The following WIPI1 variants were observed in gnomAD, a reference collection of about 807,000 sequenced individuals.
WIPI1 encodes the protein WD repeat domain phosphoinositide-interacting protein 1.
In WIPI1, 45 loss-of-function variants were observed where a neutral mutation model predicts 55.3. That is an observed-to-expected ratio of 0.81 (90% CI 0.64 to 1.04). The LOEUF (loss-of-function observed/expected upper bound fraction) is 1.04, where lower values mean the gene tolerates loss of function less well. Ranked by LOEUF, WIPI1 falls within the 50% of genes least tolerant of loss-of-function variation. The probability of loss-of-function intolerance (pLI) is 0.00; values close to 1 mark genes in which losing one functional copy is unlikely to be tolerated. For missense variants in WIPI1, 445 were observed against 559.0 expected (o/e 0.80, Z 2.06); for synonymous variants, 195 against 217.6 (o/e 0.90, Z 0.92).
chr17:68,437,949 A>AAAAAAAAAAC (rs2083896205), intron 4 of WIPI1, among the ~76,000 whole-genome samples: 1 of 37,762 alleles, frequency 2.6e-5, no homozygotes, highest in Non-Finnish European at 4.9e-5. Context: ...CATCTCTCTT[A>AAAAAAAAAAC]AAAAAAAAAA....
chr17:68,448,040 A>G (rs2147974227), intron 3 of WIPI1, among the ~76,000 whole-genome samples: 1 of 151,472 alleles, frequency 6.6e-6, no homozygotes, highest in African/African-American at 2.4e-5. Context: ...ATAACACCTT[A>G]TCCAAATCTT....
intron 8 of WIPI1, among the ~76,000 whole-genome samples, chr17:68,431,244 A>G (rs2083496762): frequency 6.6e-6 from 1 of 152,174 alleles, no homozygotes; most frequent in African/African-American, 2.4e-5. Flanking sequence ...ACCACAGAGG[A>G]AGGGAGAGGC....
chr17:68,436,560 A>G (rs2083798150), intron 4 of WIPI1, 81 bp from the exon 5 acceptor site: 2 of 1,312,632 alleles, frequency 1.5e-6, no homozygotes, highest in South Asian at 2.5e-5. Flanking sequence ...TGAAAACAGT[A>G]CAGCTACAGT....
At chr17:68,428,696 A>G in intron 10 of WIPI1, 133 bp downstream of exon 10, 1 of 673,748 alleles carries the variant, frequency 1.5e-6, no homozygotes, top group East Asian at 2.8e-5. Context: ...CTTGCCCACT[A>G]GAGGTTTGCC....
rs2082754857 is a variant in WIPI1, at chr17:68,421,321, T to C, written c.*452A>G. 1 of 159,846 alleles carries C rather than the reference T, an allele frequency of 6.3e-6. No individual in the cohort carries two copies. The highest frequency in any genetic ancestry group is 1.4e-5 in the Non-Finnish European group (1 of 72,396). 9.9% of individuals were successfully genotyped at this position (159,846 alleles called of 1,614,324 possible). Reference sequence around the variant, plus strand: ...TTATTATTAGTGTCCAAAATGGGACTCCCAAGTAATAAATGATTTATTCCA... The same window carrying C: ...TTATTATTAGTGTCCAAAATGGGACCCCCAAGTAATAAATGATTTATTCCA... On this transcript the variant is annotated 3_prime_UTR_variant, in exon 13 of 13. Coordinates refer to ENST00000262139, the MANE Select transcript of WIPI1 (RefSeq NM_017983.7).
chr17:68,430,067 C>T lies in WIPI1; in HGVS notation c.894G>A (p.Met298Ile). 1.9e-6 allele frequency: 3 copies of T among 1,614,196 alleles called. No homozygotes were observed. In the South Asian group the frequency reaches 3.3e-5, roughly 18 times the overall value. ...NYLPTQVSDM[M>I]HQDRAFATAR... ...CAGTGGCAAAAGCCCTGTCCTGATG[C>T]ATCATGTCTGACACCTGGGTAGGGA... The change falls in exon 9 of 13, where the codon ATG becomes ATA. Residue 298 changes from methionine (M) to isoleucine (I), a missense_variant. Physicochemically the swap from Met to Ile is conservative, Grantham distance 10. Coordinates refer to ENST00000262139, the MANE Select transcript of WIPI1 (RefSeq NM_017983.7).
intron 2 of WIPI1, among the ~76,000 whole-genome samples, chr17:68,452,360 T>C (rs915756024): frequency 4.6e-5 from 7 of 151,962 alleles, no homozygotes; most frequent in Non-Finnish European, 2.9e-5. Context: ...AAGTCAGGAG[T>C]TGGAGACCAG....
chr17:68,444,447 C>G, intron 4 of WIPI1, 46 bp downstream of exon 4: 1 of 1,551,064 alleles, frequency 6.4e-7, no homozygotes, highest in Non-Finnish European at 8.9e-7. Context: ...AAAGAAGCAC[C>G]AGGACATGAA....
chr17:68,443,374 A>G (rs1483350974), intron 4 of WIPI1, among the ~76,000 whole-genome samples: 1 of 152,126 alleles, frequency 6.6e-6, no homozygotes, highest in Non-Finnish European at 1.5e-5. Context: ...CGGCCTCCCA[A>G]TGTGCTGCGA....
intron 4 of WIPI1, among the ~76,000 whole-genome samples, chr17:68,439,384 C>T (rs977039047): frequency 2.0e-5 from 3 of 151,982 alleles, no homozygotes; most frequent in Admixed American, 6.6e-5. Flanking sequence ...ACAAAGGAAC[C>T]GATATTGTAT....
chr17:68,450,732 C>T lies in WIPI1; in HGVS notation c.329G>A (p.Arg110Gln), dbSNP rs780343533. ...CTGAGGGATTTCCCCACTTACTTGC[C>T]GGTTCAGCCTTATGGACAAGATGTT... ...SSNILSIRLN[R>Q]QRLLVCLEES... Residue 110 changes from arginine (R) to glutamine (Q), a missense_variant, in exon 3 of 13, where the codon CGG becomes CAG. Transcript: ENST00000262139. 1.1e-5 allele frequency: 18 copies of T among 1,604,862 alleles called. No homozygotes were observed. Among genetic ancestry groups the T allele is most frequent in the South Asian group, 7.8e-5 (7 of 89,528 alleles).
chr17:68,455,904 C>T (rs1203716530), intron 1 of WIPI1, among the ~76,000 whole-genome samples: 2 of 152,182 alleles, frequency 1.3e-5, no homozygotes, highest in African/African-American at 2.4e-5. Context: ...AGGAAAACAT[C>T]ACCCAGGCAT....
intron 12 of WIPI1, 71 bp from the exon 13 acceptor site, chr17:68,421,891 G>A: frequency 6.3e-7 from 1 of 1,597,080 alleles, no homozygotes; most frequent in Non-Finnish European, 8.6e-7. Flanking sequence ...ATTATCAACA[G>A]GTCTGTGCCC....
rs778800265 is a variant in WIPI1 at position 68,430,905 on chromosome 17, C to T, written c.801-745G>A. Among the ~76,000 whole-genome samples the T allele has an allele frequency of 9.9e-5, 15 of 152,276 alleles. No individual in the cohort carries two copies. In the East Asian group the frequency reaches 1.4e-3, roughly 14 times the overall value. The stretch of plus-strand genomic sequence containing the variant: ...CAGGATTAGGTCCTGGTGGGAAGCT[C>T]GCCCTGCAGCTCAGAGCTCTGGGAG... On this transcript the variant is annotated intron_variant, in intron 8 of 12. Transcript: ENST00000262139.
rs1157024408 is a variant in WIPI1 at position 68,423,908 on chromosome 17, G to A, written c.1294-2088C>T. Among the ~76,000 whole-genome samples the A allele has an allele frequency of 6.6e-6, 1 of 152,208 alleles. No individual in the cohort carries two copies. Among genetic ancestry groups the A allele is most frequent in the East Asian group, 1.9e-4 (1 of 5,202 alleles). On this transcript the variant is annotated intron_variant, in intron 12 of 12. Coordinates refer to ENST00000262139, the MANE Select transcript of WIPI1 (RefSeq NM_017983.7). The surrounding 1 kb of genome is among the most constrained non-coding windows in gnomAD (Gnocchi z 4.4). ...AAGAATCTAATAATATTTTATAGTA[G>A]TTACAGACTTTTACCAAAATTAGTG...
At chr17:68,446,334 C>T (rs2084283169) in intron 3 of WIPI1, among the ~76,000 whole-genome samples, 1 of 152,012 alleles carries the variant, frequency 6.6e-6, no homozygotes, top group Non-Finnish European at 1.5e-5. Flanking sequence ...GTGTGCGCCA[C>T]CATGCCTGGC....
At chr17:68,432,551 T>C (rs1316420856) in intron 8 of WIPI1, among the ~76,000 whole-genome samples, 2 of 152,088 alleles carry the variant, frequency 1.3e-5, no homozygotes, top group East Asian at 1.9e-4. Flanking sequence ...TGTGTCAGCA[T>C]TGATAAGGTG....
chr17:68,456,907 A>ACTCT (rs1223419256), intron 1 of WIPI1, among the ~76,000 whole-genome samples: 9 of 151,490 alleles, frequency 5.9e-5, no homozygotes, highest in Non-Finnish European at 5.9e-5. Context: ...TTTTTCCTGT[A>ACTCT]CTCTCATCTT....
chr17:68,439,266 G>A (rs1446522514), intron 4 of WIPI1, among the ~76,000 whole-genome samples: 1 of 152,132 alleles, frequency 6.6e-6, no homozygotes, highest in African/African-American at 2.4e-5. Context: ...AAGAAAATGT[G>A]ATATATTTTT....
Sources: gnomAD v4.1 joint callset for allele counts (sites outside exome capture counted in the v4.1 genomes callset) on GRCh38, gnomAD v4.1.1 for gene constraint, Gnocchi (gnomAD v3.1) non-coding constraint, MANE v1.5 for transcripts, NCBI Gene and HGNC (gene_info 2026-07-23, HGNC 2026-07-21) for gene names.